Variants in NPEPPS observed in about 807,000 individuals in gnomAD.
NPEPPS encodes puromycin-sensitive aminopeptidase.
Under a neutral mutation model 115.5 loss-of-function variants are expected in NPEPPS, and 14 were observed. The ratio of observed to expected loss-of-function variants is 0.12; its 90% CI spans 0.08 to 0.19. NPEPPS has a LOEUF of 0.19. NPEPPS is among the 10% of genes least tolerant of loss of function. NPEPPS has a pLI of 1.00. For missense variants in NPEPPS, 523 were observed against 1,110.8 expected (o/e 0.47, Z 7.52); for synonymous variants, 285 against 390.6 (o/e 0.73, Z 3.19).
At chr17:47,536,425 T>C (rs1450933265) in intron 1 of NPEPPS, among the ~76,000 whole-genome samples, 1 of 145,426 alleles carries the variant, frequency 6.9e-6, no homozygotes, top group African/African-American at 2.6e-5. Context: ...GGAGTTTCGC[T>C]CTTGTTGCAC....
At position 47,585,015 on chromosome 17, in the gene NPEPPS, G is replaced by T. The variant is rs551536607; in HGVS notation, c.649-485G>T. 2.5e-3 allele frequency among the ~76,000 whole-genome samples: 385 copies of T among 152,140 alleles called. 1 individual carries two copies. The highest frequency in any genetic ancestry group is 9.0e-3 in the African/African-American group (373 of 41,512). On this transcript the variant is annotated intron_variant, in intron 5 of 22. Transcript: ENST00000322157. ...GCTAATGTTTTGTATTTTTAGTAGA[G>T]ATGGGGTTTCACCATGTTAGCCAGG...
intron 17 of NPEPPS, among the ~76,000 whole-genome samples, chr17:47,606,206 C>G (rs1285280716): frequency 6.6e-6 from 1 of 152,114 alleles, no homozygotes; most frequent in Non-Finnish European, 1.5e-5. Context: ...CTGAGAGACA[C>G]AGGGGTCAGC....
In NPEPPS at chr17:47,576,194, C is replaced by T. The variant is rs560064252; in HGVS notation, c.419-3196C>T. ...TAAATTACCATAATTATTGTAAGGT[C>T]TAACAACCCTAGAATTAGTGGCTGA... On this transcript the variant is annotated intron_variant, in intron 3 of 22. Coordinates refer to ENST00000322157, the MANE Select transcript of NPEPPS (RefSeq NM_006310.4). Among the ~76,000 whole-genome samples, 15 of 152,210 alleles carry T rather than the reference C, an allele frequency of 9.9e-5. 1 individual carries two copies. The South Asian group carries it at 3.1e-3, about 32-fold the overall frequency.
chr17:47,532,606 G>T (rs1907891406), intron 1 of NPEPPS, among the ~76,000 whole-genome samples: 1 of 145,946 alleles, frequency 6.9e-6, no homozygotes, highest in South Asian at 2.1e-4. Flanking sequence ...AGTCGAGATC[G>T]CGCCACTGCA....
At chr17:47,539,100 C>CTTTTTTT (rs551077364) in intron 1 of NPEPPS, among the ~76,000 whole-genome samples, 209 of 135,432 alleles carry the variant, frequency 1.5e-3, no homozygotes, top group Non-Finnish European at 1.8e-3. Flanking sequence ...TCATCTAGGC[C>CTTTTTTT]TTTTTTTTTT....
chr17:47,596,913 T>C (rs1840063984), intron 13 of NPEPPS, among the ~76,000 whole-genome samples: 1 of 152,158 alleles, frequency 6.6e-6, no homozygotes, highest in South Asian at 2.1e-4. Flanking sequence ...CTGAGCATGG[T>C]GGCACACACC....
chr17:47,555,503 A>G (rs1165117559), intron 2 of NPEPPS, among the ~76,000 whole-genome samples: 1 of 151,520 alleles, frequency 6.6e-6, no homozygotes, highest in Non-Finnish European at 1.5e-5. Flanking sequence ...ATGCACCACC[A>G]CACCCGGCTA....
In NPEPPS at chr17:47,621,755, T is replaced by C; in HGVS notation, c.2608-13T>C. ...CTAGTAATGATCCTGCATTCTGGGTTGTTTTATACCAGGCTTTCTTCGAGA... is the reference window on the plus strand; with the variant it reads ...CTAGTAATGATCCTGCATTCTGGGTCGTTTTATACCAGGCTTTCTTCGAGA... On this transcript the variant is annotated splice_polypyrimidine_tract_variant and intron_variant, in intron 22 of 22. Transcript: ENST00000322157. 3.1e-6 allele frequency: 5 copies of C among 1,595,084 alleles called. No homozygotes were observed. Among genetic ancestry groups the C allele is most frequent in the Non-Finnish European group, 4.3e-6 (5 of 1,165,848 alleles).
At chr17:47,571,791 T>A (rs1399725502) in intron 3 of NPEPPS, among the ~76,000 whole-genome samples, 2 of 152,136 alleles carry the variant, frequency 1.3e-5, no homozygotes, top group East Asian at 3.8e-4. Flanking sequence ...GAATATAATT[T>A]GAAAAGGAAG....
In NPEPPS at chr17:47,586,350, AT is replaced by A; in HGVS notation, c.947-12del. The stretch of plus-strand genomic sequence containing the variant: ...TATATATATATCAATAAATGTTTAT[AT>A]TTATTTTGTGAAGGTGCCATGGAGA... On this transcript the variant is annotated splice_polypyrimidine_tract_variant and intron_variant, in intron 7 of 22. Transcript: ENST00000322157. 1 of 1,465,982 alleles carries A rather than the reference AT, an allele frequency of 6.8e-7. No homozygotes were observed. Among genetic ancestry groups the A allele is most frequent in the South Asian group, 1.4e-5 (1 of 72,062 alleles). 90.8% of individuals were successfully genotyped at this position (1,465,982 alleles called of 1,614,324 possible). A position where few individuals can be genotyped will look rare whatever the true frequency, so the allele number is the denominator to read the frequency against.
chr17:47,604,258 T>C, intron 16 of NPEPPS: 1 of 400,858 alleles, frequency 2.5e-6, no homozygotes, highest in Non-Finnish European at 4.3e-6. Flanking sequence ...GCCAGCTTTC[T>C]GAAACTCTTA....
chr17:47,612,201 A>T (rs1379725515), intron 17 of NPEPPS, among the ~76,000 whole-genome samples: 2 of 152,180 alleles, frequency 1.3e-5, no homozygotes, highest in African/African-American at 4.8e-5. Flanking sequence ...GACTGAGTAA[A>T]CATTTAGTAA....
chr17:47,534,059 G>C (rs753783190), intron 1 of NPEPPS, among the ~76,000 whole-genome samples: 1 of 152,092 alleles, frequency 6.6e-6, no homozygotes, highest in Non-Finnish European at 1.5e-5. Flanking sequence ...GTGGCATTAG[G>C]TGGTATCTTG....
chr17:47,567,047 T>A (rs1910867254), intron 2 of NPEPPS, among the ~76,000 whole-genome samples: 1 of 152,072 alleles, frequency 6.6e-6, no homozygotes, highest in Non-Finnish European at 1.5e-5. Flanking sequence ...GCCACTGTAC[T>A]CCAGCCTGGG....
chr17:47,554,512 C>A (rs1384405532), intron 2 of NPEPPS, among the ~76,000 whole-genome samples: 1 of 152,050 alleles, frequency 6.6e-6, no homozygotes, highest in East Asian at 1.9e-4. Flanking sequence ...TAGGTGTGCA[C>A]CAACACCCAG....
chr17:47,605,636 T>C (rs1913468752), intron 17 of NPEPPS, 84 bp downstream of exon 17: 2 of 832,394 alleles, frequency 2.4e-6, no homozygotes, highest in East Asian at 5.3e-5. Context: ...ATATCATCTT[T>C]GTATCTACTG....
At chr17:47,617,294 A>G (rs1005768140) in intron 19 of NPEPPS, among the ~76,000 whole-genome samples, 1 of 152,154 alleles carries the variant, frequency 6.6e-6, no homozygotes, top group Non-Finnish European at 1.5e-5. Context: ...AAGATGCATA[A>G]TCCCACTGAT....
intron 9 of NPEPPS, 86 bp from the exon 10 acceptor site, chr17:47,590,631 A>G (rs1179011522): frequency 7.8e-6 from 11 of 1,411,222 alleles, no homozygotes; most frequent in Non-Finnish European, 1.0e-5. Flanking sequence ...GTTTGGGAAT[A>G]TAGTGGAAGG....
chr17:47,598,290 T>C (rs1912995319), intron 13 of NPEPPS, among the ~76,000 whole-genome samples: 1 of 151,948 alleles, frequency 6.6e-6, no homozygotes, highest in African/African-American at 2.4e-5. Context: ...CTGGGCAACA[T>C]AGTGAGACCT....
Sources: allele counts gnomAD v4.1 joint callset (sites outside exome capture counted in the v4.1 genomes callset), GRCh38; gene constraint gnomAD v4.1.1; transcripts MANE v1.5; gene names NCBI Gene and HGNC (gene_info 2026-07-23, HGNC 2026-07-21).